Variants in SCAPER observed in about 807,000 individuals in gnomAD.
SCAPER encodes the protein S phase cyclin A-associated protein in the endoplasmic reticulum.
In SCAPER, 98 loss-of-function variants were observed where a neutral mutation model predicts 182.2. That is an observed-to-expected ratio of 0.54 (90% CI 0.46 to 0.64). SCAPER has a LOEUF of 0.64. SCAPER is among the 30% of genes least tolerant of loss of function. The pLI is 0.00. For synonymous variants in SCAPER, 605 were observed against 564.6 expected (o/e 1.07, Z -1.01); for missense variants, 1,432 against 1,690.0 (o/e 0.85, Z 2.68).
intron 23 of SCAPER, among the ~76,000 whole-genome samples, chr15:76,506,204 C>T (rs189849872): frequency 4.6e-5 from 7 of 151,830 alleles, no homozygotes; most frequent in Admixed American, 6.6e-5. Context: ...AGCCCAACAG[C>T]GTGAATATAA....
chr15:76,516,215 A>T (rs879362013), intron 23 of SCAPER, among the ~76,000 whole-genome samples: 154 of 151,576 alleles, frequency 1.0e-3, no homozygotes, highest in African/African-American at 3.1e-3. Context: ...CTTTTAAAAA[A>T]TTTTTTAAAT....
intron 5 of SCAPER, among the ~76,000 whole-genome samples, chr15:76,831,765 C>T (rs2068508528): frequency 6.6e-6 from 1 of 152,120 alleles, no homozygotes; most frequent in Non-Finnish European, 1.5e-5. Context: ...ACTGGGAGTA[C>T]CTCGGTCCCT....
chr15:76,700,883 A>C (rs2058905063), intron 20 of SCAPER, among the ~76,000 whole-genome samples: 1 of 152,176 alleles, frequency 6.6e-6, no homozygotes. Flanking sequence ...ATTTGTATGA[A>C]ATTTAAGAAC....
chr15:76,665,346 GA>G (rs952533871), intron 21 of SCAPER, among the ~76,000 whole-genome samples: 1 of 152,132 alleles, frequency 6.6e-6, no homozygotes, highest in Non-Finnish European at 1.5e-5. Flanking sequence ...TCAATAGTTG[GA>G]AAGAAAAATA....
chr15:76,576,409 T>G (rs1416864523), intron 22 of SCAPER, among the ~76,000 whole-genome samples: 1 of 152,220 alleles, frequency 6.6e-6, no homozygotes, highest in East Asian at 1.9e-4. Context: ...TACTTTCATG[T>G]ACATGATCTT....
At chr15:76,843,333 T>C (rs544791858) in intron 4 of SCAPER, among the ~76,000 whole-genome samples, 13 of 152,348 alleles carry the variant, frequency 8.5e-5, no homozygotes, top group African/African-American at 2.4e-4. Context: ...TTTGAAAACA[T>C]AGTTATCATT....
intron 9 of SCAPER, among the ~76,000 whole-genome samples, chr15:76,773,803 T>C (rs1247485649): frequency 6.6e-6 from 1 of 151,886 alleles, no homozygotes; most frequent in Non-Finnish European, 1.5e-5. Context: ...CAGATATTAT[T>C]CTGGACCAAA....
intron 15 of SCAPER, among the ~76,000 whole-genome samples, chr15:76,747,178 G>A (rs2061839890): frequency 6.6e-6 from 1 of 152,176 alleles, no homozygotes; most frequent in Non-Finnish European, 1.5e-5. Flanking sequence ...GACTGCAATG[G>A]TTTGGCTGTC....
intron 25 of SCAPER, among the ~76,000 whole-genome samples, chr15:76,446,517 A>G (rs1347081482): frequency 6.6e-6 from 1 of 152,216 alleles, no homozygotes; most frequent in Non-Finnish European, 1.5e-5. Flanking sequence ...AGTGAAATAC[A>G]AGTATCTATT....
Position 76,771,907 on chromosome 15 carries a change from T to G in SCAPER, c.1083A>C (p.Arg361=), listed in dbSNP as rs752968807. 6.2e-7 allele frequency: 1 copy of G among 1,612,610 alleles called. No individual in the cohort carries two copies. The highest frequency in any genetic ancestry group is 8.5e-7 in the Non-Finnish European group (1 of 1,179,380). The change falls in exon 10 of 32, where the codon CGA becomes CGC. Residue 361 remains arginine, a synonymous_variant. Transcript: ENST00000563290. The stretch of plus-strand genomic sequence containing the variant: ...TTTCAGAAGTTCGAACATAATTGTC[T>G]CGAATACTGCCAGAATTCTTCACAT... ...LDDVKNSGSI[R]DNYVRTSEIS...
intron 21 of SCAPER, among the ~76,000 whole-genome samples, chr15:76,662,855 G>C (rs745967251): frequency 2.5e-4 from 38 of 151,908 alleles, no homozygotes; most frequent in Non-Finnish European, 5.4e-4. Flanking sequence ...AATTACAAAT[G>C]TTCTAGAAAA....
intron 21 of SCAPER, among the ~76,000 whole-genome samples, chr15:76,665,244 T>C (rs1302237760): frequency 1.3e-5 from 2 of 152,214 alleles, no homozygotes; most frequent in African/African-American, 2.4e-5. Context: ...GGCAACCAAA[T>C]TGATTAAGCC....
intron 22 of SCAPER, among the ~76,000 whole-genome samples, chr15:76,621,552 C>T (rs2052055417): frequency 6.6e-6 from 1 of 152,190 alleles, no homozygotes; most frequent in South Asian, 2.1e-4. Flanking sequence ...TTGATGCTAG[C>T]AGCCCCAAGT....
chr15:76,521,641 A>G (rs568597103), intron 23 of SCAPER, among the ~76,000 whole-genome samples: 2 of 152,234 alleles, frequency 1.3e-5, no homozygotes, highest in Non-Finnish European at 2.9e-5. Context: ...GCTGTTAACA[A>G]TATTAACAAA....
chr15:76,539,692 C>T (rs2144721228), intron 23 of SCAPER, among the ~76,000 whole-genome samples: 1 of 152,006 alleles, frequency 6.6e-6, no homozygotes, highest in South Asian at 2.1e-4. Flanking sequence ...ACTACAGGCG[C>T]CCGCCACCTC....
intron 17 of SCAPER, among the ~76,000 whole-genome samples, chr15:76,725,973 A>AAAC (rs1401230716): frequency 6.6e-6 from 1 of 150,682 alleles, no homozygotes; most frequent in Non-Finnish European, 1.5e-5. Context: ...AAGGCAACAA[A>AAAC]AACAACAACA....
intron 10 of SCAPER, 72 bp from the exon 11 acceptor site, chr15:76,767,160 C>A: frequency 7.6e-7 from 1 of 1,308,256 alleles, no homozygotes; most frequent in Non-Finnish European, 1.1e-6. Context: ...TTTTTATGTT[C>A]TAACATGAAC....
intron 17 of SCAPER, among the ~76,000 whole-genome samples, chr15:76,716,618 A>T (rs942781078): frequency 6.6e-6 from 1 of 152,010 alleles, no homozygotes; most frequent in Non-Finnish European, 1.5e-5. Context: ...GATATCATTT[A>T]AAAAATCTCA....
chr15:76,769,018 T>A (rs1394546299), intron 10 of SCAPER, among the ~76,000 whole-genome samples: 2 of 152,098 alleles, frequency 1.3e-5, no homozygotes, highest in Non-Finnish European at 2.9e-5. Flanking sequence ...CTTACACAAT[T>A]CAATTTATAT....
Sources: allele counts gnomAD v4.1 joint callset (sites outside exome capture counted in the v4.1 genomes callset), GRCh38; gene constraint gnomAD v4.1.1; transcripts MANE v1.5; gene names NCBI Gene and HGNC (gene_info 2026-07-23, HGNC 2026-07-21).